Variants in CREB5 observed in about 807,000 individuals in gnomAD.
The protein encoded by CREB5 is cAMP responsive element binding protein 5.
A neutral mutation model predicts 57.1 loss-of-function variants in CREB5; 19 were observed. The ratio of observed to expected loss-of-function variants is 0.33; its 90% CI spans 0.23 to 0.49. The LOEUF (loss-of-function observed/expected upper bound fraction) is 0.49, where lower values mean the gene tolerates loss of function less well. Ranked by LOEUF, CREB5 falls within the 20% of genes least tolerant of loss-of-function variation. The pLI is 0.99. For missense variants in CREB5, 579 were observed against 671.6 expected, an observed-to-expected ratio of 0.86 and a Z score of 1.52; for synonymous variants, 238 against 238.3, an observed-to-expected ratio of 1.00 and a Z score of 0.01.
intron 5 of CREB5, among the ~76,000 whole-genome samples, chr7:28,616,144 C>T (rs1797589144): frequency 6.6e-6 from 1 of 152,080 alleles, no homozygotes; most frequent in Non-Finnish European, 1.5e-5. Context: ...TAATTAGGGG[C>T]TTTTAGGTTT....
chr7:28,429,099 C>T (rs1426564660), intron 1 of CREB5, among the ~76,000 whole-genome samples: 2 of 152,154 alleles, frequency 1.3e-5, no homozygotes, highest in Non-Finnish European at 1.5e-5. Flanking sequence ...AACCTTGGCT[C>T]ATTGCAACCT....
chr7:28,561,770 G>A (rs980651564), intron 4 of CREB5, among the ~76,000 whole-genome samples: 18 of 152,228 alleles, frequency 1.2e-4, no homozygotes, highest in African/African-American at 3.4e-4. Flanking sequence ...TCGAGATGGA[G>A]TCTCACTGTG....
At chr7:28,667,804 C>T (rs116677962) in intron 5 of CREB5, among the ~76,000 whole-genome samples, 4,411 of 152,084 alleles carry the variant, frequency 0.029, 83 homozygotes, top group Middle Eastern at 0.051. Flanking sequence ...TTAATGGACT[C>T]GAAATTAGTC....
At position 28,752,706 on chromosome 7, in the gene CREB5, C is replaced by CT. The variant is rs759123280; in HGVS notation, c.702+28379dup. ...CTGTCTAATAAATGTTAACAGTTAA[C>CT]TTTTTGAGACAATGTTTACTACAAT... On this transcript the variant is annotated intron_variant, in intron 7 of 10. Transcript: ENST00000357727. Among the ~76,000 whole-genome samples, 112 of 152,226 alleles carry CT rather than the reference C, an allele frequency of 7.4e-4. 1 individual carries two copies. Among genetic ancestry groups the CT allele is most frequent in the Non-Finnish European group, 1.1e-3 (77 of 68,002 alleles).
At position 28,804,337 on chromosome 7, in the gene CREB5, C is replaced by T. The variant is rs781570161; in HGVS notation, c.841C>T (p.His281Tyr). ...TCACATGCACTCGCACCCGCATCAG[C>T]ACCAGACACTGCCACCCCATCACCC... is the stretch of plus-strand genomic sequence containing the variant. ...HHHMHSHPHQ[H>Y]QTLPPHHPYP... Residue 281 changes from histidine (H) to tyrosine (Y), a missense_variant, in exon 8 of 11, where the codon CAC becomes TAC. Transcript: ENST00000357727. The T allele has an allele frequency of 1.4e-5, 22 of 1,613,830 alleles. No homozygotes were observed. Among genetic ancestry groups the T allele is most frequent in the Non-Finnish European group, 1.9e-5 (22 of 1,179,866 alleles).
At chr7:28,595,712 C>T (rs932837496) in intron 5 of CREB5, among the ~76,000 whole-genome samples, 1 of 152,166 alleles carries the variant, frequency 6.6e-6, no homozygotes, top group African/African-American at 2.4e-5. Context: ...GAAGACAGAG[C>T]ATGGAAATGG....
rs542573750 is a variant in CREB5 at position 28,504,846 on chromosome 7, TA to T, written c.170-2763del. On this transcript the variant is annotated intron_variant, in intron 3 of 10. Transcript: ENST00000357727. ...AGAAAGATTGGCACCAAAAGGAGTT[TA>T]AAAAAACCTCCTTTGCAACGTTTGT... Among the ~76,000 whole-genome samples, 308 of 152,274 alleles carry T rather than the reference TA, an allele frequency of 2.0e-3. 3 individuals carry two copies. The highest frequency in any genetic ancestry group is 7.2e-3 in the African/African-American group (299 of 41,556).
At chr7:28,402,881 A>G (rs1187766397) in intron 1 of CREB5, among the ~76,000 whole-genome samples, 2 of 152,230 alleles carry the variant, frequency 1.3e-5, no homozygotes, top group Non-Finnish European at 2.9e-5. Context: ...ATCAGAGTGT[A>G]TAGGCAATCT....
rs761275735 is a variant in CREB5 at position 28,821,704 on chromosome 7, C to T, written c.*2425C>T. On this transcript the variant is annotated 3_prime_UTR_variant, in exon 11 of 11. Coordinates refer to ENST00000357727, the MANE Select transcript of CREB5 (RefSeq NM_182898.4). Reference sequence around the variant, plus strand: ...ATATCTCTGTTTTGAAATCAAAAATCATATTTCAAAATTCTTTCCTAGGAC... The same window carrying T: ...ATATCTCTGTTTTGAAATCAAAAATTATATTTCAAAATTCTTTCCTAGGAC... 2.6e-5 allele frequency: 4 copies of T among 152,194 alleles called. No homozygotes were observed. Among genetic ancestry groups the T allele is most frequent in the Non-Finnish European group, 5.9e-5 (4 of 68,006 alleles). 9.4% of individuals were successfully genotyped at this position (152,194 alleles called of 1,614,324 possible). A position where few individuals can be genotyped will look rare whatever the true frequency, so the allele number is the denominator to read the frequency against.
Position 28,477,063 on chromosome 7 carries a change from T to C in CREB5, c.4-11112T>C, listed in dbSNP as rs566218923. ...ATGCATGGTAGGTGCTCAGTGACGA[T>C]GTGGGGAAGAAATGAATGAATGAGA... On this transcript the variant is annotated intron_variant, in intron 1 of 10. Transcript: ENST00000357727. Among the ~76,000 whole-genome samples, 3 of 152,328 alleles carry C rather than the reference T, an allele frequency of 2.0e-5. No individual in the cohort carries two copies. In the South Asian group the frequency reaches 6.2e-4, roughly 32 times the overall value.
chr7:28,583,190 G>C (rs1796181715), intron 5 of CREB5, among the ~76,000 whole-genome samples: 1 of 152,194 alleles, frequency 6.6e-6, no homozygotes, highest in African/African-American at 2.4e-5. Context: ...TCTTCAGCAA[G>C]AGCATAGTTT....
chr7:28,743,728 G>A (rs868764142), intron 7 of CREB5, among the ~76,000 whole-genome samples: 12 of 152,076 alleles, frequency 7.9e-5, no homozygotes, highest in South Asian at 2.1e-4. Flanking sequence ...AGGGCTGTGC[G>A]GGGAAGAATC....
In CREB5 at chr7:28,737,527, GTATATATATACGTATATA is replaced by G. The variant is rs1279001358; in HGVS notation, c.702+13206_702+13223del. Among the ~76,000 whole-genome samples, 202 of 84,276 alleles carry G rather than the reference GTATATATATACGTATATA, an allele frequency of 2.4e-3. 1 individual carries two copies. Among genetic ancestry groups the G allele is most frequent in the Non-Finnish European group, 3.4e-3 (147 of 42,648 alleles). 55.3% of individuals were successfully genotyped at this position (84,276 alleles called of 152,430 possible). A position where few individuals can be genotyped will look rare whatever the true frequency, so the allele number is the denominator to read the frequency against. On this transcript the variant is annotated intron_variant, in intron 7 of 10. Coordinates refer to ENST00000357727, the MANE Select transcript of CREB5 (RefSeq NM_182898.4). ...TCTCTGTGTGTGTGTGTGTATATAT[GTATATATATACGTATATA>G]TATATATATATATATATATATATAT...
At chr7:28,785,526 T>C (rs1468495805) in intron 7 of CREB5, among the ~76,000 whole-genome samples, 1 of 152,212 alleles carries the variant, frequency 6.6e-6, no homozygotes, top group East Asian at 1.9e-4. Flanking sequence ...TTTTGTTTTT[T>C]CCAGGAAAAC....
At chr7:28,346,544 C>A (rs187290762) in intron 1 of CREB5, among the ~76,000 whole-genome samples, 1 of 152,368 alleles carries the variant, frequency 6.6e-6, no homozygotes, top group Admixed American at 6.5e-5. Context: ...CAGGCCATAG[C>A]ACCATCCCAA....
chr7:28,775,278 T>A (rs1440429779), intron 7 of CREB5, among the ~76,000 whole-genome samples: 1 of 152,130 alleles, frequency 6.6e-6, no homozygotes, highest in African/African-American at 2.4e-5. Context: ...TCAGCTCAGA[T>A]ACCTCCTCCT....
intron 1 of CREB5, among the ~76,000 whole-genome samples, chr7:28,475,585 T>C (rs1458242661): frequency 1.3e-5 from 2 of 152,086 alleles, no homozygotes; most frequent in African/African-American, 2.4e-5. Context: ...TTTTTTTTAA[T>C]AGTTCAAGTG....
intron 5 of CREB5, among the ~76,000 whole-genome samples, chr7:28,692,957 C>G (rs1038247190): frequency 6.6e-6 from 1 of 152,312 alleles, no homozygotes; most frequent in Middle Eastern, 3.4e-3. Context: ...TGTACCTGCG[C>G]TGGCAAGAGA....
At chr7:28,591,824 AT>A (rs1796532187) in intron 5 of CREB5, among the ~76,000 whole-genome samples, 2 of 152,316 alleles carry the variant, frequency 1.3e-5, no homozygotes, top group South Asian at 4.1e-4. Flanking sequence ...TAATACTATT[AT>A]ATTAGTAATT....
Sources: allele counts gnomAD v4.1 joint callset (sites outside exome capture counted in the v4.1 genomes callset), GRCh38; gene constraint gnomAD v4.1.1; transcripts MANE v1.5; gene names NCBI Gene and HGNC (gene_info 2026-07-23, HGNC 2026-07-21).